FAM83G: variants seen among roughly 807,000 people sequenced by gnomAD.
FAM83G encodes protein FAM83G.
Under a neutral mutation model 61.5 loss-of-function variants are expected in FAM83G, and 38 were observed. The ratio of observed to expected loss-of-function variants is 0.62; its 90% CI spans 0.48 to 0.81. The LOEUF is 0.81. FAM83G is among the 30% of genes least tolerant of loss of function. The pLI is 0.00. For synonymous variants in FAM83G, 470 were observed against 476.1 expected (o/e 0.99, Z 0.17); for missense variants, 989 against 1,133.6 (o/e 0.87, Z 1.83).
At chr17:18,980,960 CG>C (rs1567793002) in intron 3 of FAM83G, among the ~76,000 whole-genome samples, 1 of 152,174 alleles carries the variant, frequency 6.6e-6, no homozygotes, top group East Asian at 1.9e-4. Context: ...TTCTGGCTCT[CG>C]GCTATGACGT....
At chr17:18,981,595 G>A (rs943553525) in intron 3 of FAM83G, among the ~76,000 whole-genome samples, 1 of 152,140 alleles carries the variant, frequency 6.6e-6, no homozygotes, top group Non-Finnish European at 1.5e-5. Flanking sequence ...AGTCCTTTCC[G>A]TGTCCCAGAC....
At chr17:18,989,913 G>A (rs779250699) in intron 2 of FAM83G, among the ~76,000 whole-genome samples, 21 of 152,200 alleles carry the variant, frequency 1.4e-4, no homozygotes, top group Non-Finnish European at 2.5e-4. Flanking sequence ...CCTTCTCTTG[G>A]ACGTTTAGTC....
chr17:19,002,618 TTATC>T (rs1567806528), intron 2 of FAM83G, among the ~76,000 whole-genome samples: 4 of 152,190 alleles, frequency 2.6e-5, no homozygotes, highest in Non-Finnish European at 4.4e-5. Context: ...TAGGTAAGCT[TTATC>T]TATCAAATTA....
intron 3 of FAM83G, among the ~76,000 whole-genome samples, chr17:18,984,383 C>T (rs2472713): frequency 0.99 from 149,146 of 150,678 alleles, 73,888 homozygotes; most frequent in Middle Eastern, 1. Flanking sequence ...CCTGAATCCA[C>T]CACAGACCCA....
rs754028519 is a variant in FAM83G at position 18,971,089 on chromosome 17, C to T, written c.*270G>A. The T allele has an allele frequency of 2.5e-6, 4 of 1,614,134 alleles. No individual in the cohort carries two copies. The highest frequency in any genetic ancestry group is 3.4e-6 in the Non-Finnish European group (4 of 1,180,040). ...CCATTCCCTCCAGGACCATTGCCAA[C>T]ACCACCTGCCACCTGCCACGTACAG... On this transcript the variant is annotated 3_prime_UTR_variant, in exon 6 of 6. Coordinates refer to ENST00000388995, the MANE Select transcript of FAM83G (RefSeq NM_001039999.3). This position sits in a 1 kb window ranked among gnomAD's most constrained non-coding sequence, Gnocchi z 5.5.
chr17:19,004,911 C>G (rs2043840989), upstream of FAM83G: 1 of 152,224 alleles, frequency 6.6e-6, no homozygotes, highest in Non-Finnish European at 1.5e-5. The surrounding 1 kb of genome is among the most constrained non-coding windows in gnomAD (Gnocchi z 5.4). Flanking sequence ...TGCCCACGGT[C>G]CCCTGGTGCC....
In FAM83G at chr17:18,968,902, C is replaced by T. The variant is rs2042766342; in HGVS notation, c.*2457G>A. 1.5e-6 allele frequency: 1 copy of T among 658,412 alleles called. No homozygotes were observed. Among genetic ancestry groups the T allele is most frequent in the Admixed American group, 2.9e-5 (1 of 33,930 alleles). The allele number at this position is 658,412 out of a possible 1,614,324, so 40.8% of individuals were successfully genotyped here. A position where few individuals can be genotyped will look rare whatever the true frequency, so the allele number is the denominator to read the frequency against. On this transcript the variant is annotated 3_prime_UTR_variant, in exon 6 of 6. Coordinates refer to ENST00000388995, the MANE Select transcript of FAM83G (RefSeq NM_001039999.3). This position sits in a 1 kb window ranked among gnomAD's most constrained non-coding sequence, Gnocchi z 4.1. ...TCTTCCCCCAACCTCACAATGGCCC[C>T]GTGATGCAGGCAGGCAGGCGAGTGG...
At position 19,003,865 on chromosome 17, in the gene FAM83G, G is replaced by A. The variant is rs1192774720; in HGVS notation, c.177C>T (p.Leu59=). The change falls in exon 2 of 6, where the codon CTC becomes CTT. Residue 59 remains leucine, a synonymous_variant. Transcript: ENST00000388995. This position sits in a 1 kb window ranked among gnomAD's most constrained non-coding sequence, Gnocchi z 4.5. ...VLKRENIRDF[L]SELELKRILE... is the part of the protein sequence containing the mutation. The stretch of plus-strand genomic sequence containing the variant: ...GGATGCGCTTGAGCTCCAGCTCCGA[G>A]AGGAAGTCTCGGATGTTCTCCCGCT... The A allele has an allele frequency of 6.2e-7, 1 of 1,612,944 alleles. No homozygotes were observed. Among genetic ancestry groups the A allele is most frequent in the African/African-American group, 1.3e-5 (1 of 74,922 alleles).
In FAM83G at chr17:18,978,769, C is replaced by T. The variant is rs752072561; in HGVS notation, c.897G>A (p.Gln299=). The change falls in exon 5 of 6, where the codon CAG becomes CAA. Residue 299 remains glutamine (Q), a synonymous_variant. Transcript: ENST00000388995. ...SGQVVEMFDR[Q]FQELYLMSHS... ...GTGACATGAGGTACAGCTCCTGGAA[C>T]TGCCGGTCAAACATCTCCACCACCT... The T allele has an allele frequency of 1.2e-6, 2 of 1,613,028 alleles. No individual in the cohort carries two copies. The highest frequency in any genetic ancestry group is 1.7e-6 in the Non-Finnish European group (2 of 1,180,024).
rs1250081723 is a variant in FAM83G at position 19,003,203 on chromosome 17, T to C, written c.522+317A>G. Among the ~76,000 whole-genome samples the C allele has an allele frequency of 6.7e-6, 1 of 148,236 alleles. No individual in the cohort carries two copies. The highest frequency in any genetic ancestry group is 1.5e-5 in the Non-Finnish European group (1 of 67,034). Reference sequence around the variant, plus strand: ...GGGAGAGTGAGAGGAAGCCCTGGGGTTCCTCCCCTCCCCACTCCACCCTAT... The same window carrying C: ...GGGAGAGTGAGAGGAAGCCCTGGGGCTCCTCCCCTCCCCACTCCACCCTAT... On this transcript the variant is annotated intron_variant, in intron 2 of 5. Transcript: ENST00000388995. This position sits in a 1 kb window ranked among gnomAD's most constrained non-coding sequence, Gnocchi z 4.5.
chr17:18,984,202 C>T (rs1487748476), intron 3 of FAM83G, among the ~76,000 whole-genome samples: 2 of 151,930 alleles, frequency 1.3e-5, no homozygotes, highest in South Asian at 2.1e-4. Context: ...ATTAGCCGGG[C>T]GTGGTGGCGG....
chr17:18,981,954 TC>T (rs954511942), intron 3 of FAM83G, among the ~76,000 whole-genome samples: 3 of 152,116 alleles, frequency 2.0e-5, no homozygotes, highest in African/African-American at 7.2e-5. Flanking sequence ...CGAGCCCAGC[TC>T]CACCGCCTCC....
chr17:18,988,176 T>C lies in FAM83G; in HGVS notation c.690+71A>G, dbSNP rs1014640857. On this transcript the variant is annotated intron_variant, in intron 3 of 5. Coordinates refer to ENST00000388995, the MANE Select transcript of FAM83G (RefSeq NM_001039999.3). Reference sequence around the variant, plus strand: ...GACTCCGTCCAGAGCAGGCAGGTACTCGAAGTGTTTGTTGACAGACTGAAT... The same window carrying C: ...GACTCCGTCCAGAGCAGGCAGGTACCCGAAGTGTTTGTTGACAGACTGAAT... 3.8e-6 allele frequency: 6 copies of C among 1,565,014 alleles called. No homozygotes were observed. In the African/African-American group the frequency reaches 6.7e-5, roughly 18 times the overall value.
At chr17:19,004,802 G>T (rs1171017821), upstream of FAM83G, 12 of 151,172 alleles carry the variant, frequency 7.9e-5, no homozygotes, top group Non-Finnish European at 3.0e-5. This position sits in a 1 kb window ranked among gnomAD's most constrained non-coding sequence, Gnocchi z 5.4. Flanking sequence ...GGGCCGCCCC[G>T]CTTACCCCGC....
At chr17:18,975,273 G>A (rs145087730) in intron 5 of FAM83G, among the ~76,000 whole-genome samples, 2 of 152,212 alleles carry the variant, frequency 1.3e-5, no homozygotes, top group East Asian at 1.9e-4. Flanking sequence ...CTTGCCCTGC[G>A]TTCGGAGGCT....
chr17:18,969,441 G>A lies in FAM83G; in HGVS notation c.*1918C>T. 3 of 1,609,912 alleles carry A rather than the reference G, an allele frequency of 1.9e-6. No individual in the cohort carries two copies. Among genetic ancestry groups the A allele is most frequent in the Non-Finnish European group, 2.5e-6 (3 of 1,176,822 alleles). On this transcript the variant is annotated 3_prime_UTR_variant, in exon 6 of 6. Transcript: ENST00000388995. ...ATCAAAGGTGAGGACAGAGTCTGTGGCCATGGCGGGGCTGTCCCCACAGCG... is the reference window on the plus strand; with the variant it reads ...ATCAAAGGTGAGGACAGAGTCTGTGACCATGGCGGGGCTGTCCCCACAGCG...
intron 2 of FAM83G, among the ~76,000 whole-genome samples, chr17:18,990,765 G>A (rs894287211): frequency 3.3e-4 from 50 of 151,008 alleles, no homozygotes; most frequent in African/African-American, 1.1e-3. Context: ...TAACAGGCAC[G>A]AGCTTATGCT....
intron 3 of FAM83G, among the ~76,000 whole-genome samples, chr17:18,985,419 C>G (rs749011701): frequency 6.6e-6 from 1 of 152,182 alleles, no homozygotes; most frequent in Non-Finnish European, 1.5e-5. Context: ...AAAGGATGAC[C>G]CTACCAGAAA....
chr17:18,999,694 C>T (rs141061975), intron 2 of FAM83G, among the ~76,000 whole-genome samples: 19 of 152,308 alleles, frequency 1.2e-4, no homozygotes, highest in South Asian at 6.2e-4. Context: ...TGTGTGAAGG[C>T]GGGGGCCTGA....
Sources: allele counts gnomAD v4.1 joint callset (sites outside exome capture counted in the v4.1 genomes callset), GRCh38; gene constraint gnomAD v4.1.1; non-coding constraint Gnocchi (gnomAD v3.1); transcripts MANE v1.5; gene names NCBI Gene and HGNC (gene_info 2026-07-23, HGNC 2026-07-21).